FNIP1: variants seen among roughly 807,000 people sequenced by gnomAD.
FNIP1 encodes the protein folliculin-interacting protein 1.
FNIP1 carries 40 observed loss-of-function variants against 124.5 expected under a neutral mutation model. The ratio of observed to expected loss-of-function variants is 0.32; its 90% CI spans 0.25 to 0.42. The LOEUF is 0.42. Ranked by LOEUF, FNIP1 falls within the 10% of genes least tolerant of loss-of-function variation. FNIP1 has a pLI of 1.00. For missense variants in FNIP1, 1,176 were observed against 1,403.7 expected (o/e 0.84, Z 2.59); for synonymous variants, 472 against 470.6 (o/e 1.00, Z -0.04).
intron 5 of FNIP1, 67 bp downstream of exon 5, chr5:131,718,919 G>T: frequency 7.5e-7 from 1 of 1,326,648 alleles, no homozygotes; most frequent in Non-Finnish European, 1.1e-6. Flanking sequence ...CCTAAAAGCA[G>T]TTGGTTAGTT....
At chr5:131,666,192 AT>A in intron 15 of FNIP1, among the ~76,000 whole-genome samples, 1 of 152,080 alleles carries the variant, frequency 6.6e-6, no homozygotes. Flanking sequence ...TGGCCAAATA[AT>A]TTTTTTAGAA....
At chr5:131,645,165 T>C (rs1038097837) in intron 17 of FNIP1, among the ~76,000 whole-genome samples, 12 of 151,744 alleles carry the variant, frequency 7.9e-5, no homozygotes, top group Non-Finnish European at 1.5e-4. Flanking sequence ...ACAAAAAAAT[T>C]TTAAAAACTA....
At chr5:131,785,904 C>G (rs1448299404) in intron 1 of FNIP1, among the ~76,000 whole-genome samples, 1 of 152,020 alleles carries the variant, frequency 6.6e-6, no homozygotes, top group Non-Finnish European at 1.5e-5. Context: ...TACAAATGTG[C>G]AGTTTGTGTT....
chr5:131,699,114 T>C, intron 10 of FNIP1, 112 bp from the exon 11 acceptor site: 1 of 664,322 alleles, frequency 1.5e-6, no homozygotes, highest in South Asian at 2.7e-5. Flanking sequence ...ATCAAAATTC[T>C]TATCGAGAAA....
At position 131,797,003 on chromosome 5, in the gene FNIP1, G is replaced by A. The variant is rs1432154626; in HGVS notation, c.-82C>T. 1 of 1,296,088 alleles carries A rather than the reference G, an allele frequency of 7.7e-7. No individual in the cohort carries two copies. Among genetic ancestry groups the A allele is most frequent in the Admixed American group, 2.3e-5 (1 of 43,228 alleles). The allele number at this position is 1,296,088 out of a possible 1,614,324, so 80.3% of individuals were successfully genotyped here. ...TACAGCCGCCCCGCCACCCCCATGG[G>A]CGCCTCAGTCATATGACAGAAATTA... On this transcript the variant is annotated 5_prime_UTR_variant, in exon 1 of 18. Coordinates refer to ENST00000510461, the MANE Select transcript of FNIP1 (RefSeq NM_133372.3).
intron 3 of FNIP1, among the ~76,000 whole-genome samples, chr5:131,725,964 G>A (rs1769852282): frequency 6.6e-6 from 1 of 152,104 alleles, no homozygotes; most frequent in Non-Finnish European, 1.5e-5. Flanking sequence ...TGTGATTTTT[G>A]TCATTGGTTC....
chr5:131,688,374 G>A (rs994418128), intron 11 of FNIP1, among the ~76,000 whole-genome samples: 7 of 150,804 alleles, frequency 4.6e-5, no homozygotes, highest in Middle Eastern at 7.0e-3. Flanking sequence ...CACATCTAAG[G>A]CTCCTAGCTA....
chr5:131,751,566 A>C (rs1770872702), intron 1 of FNIP1, among the ~76,000 whole-genome samples: 1 of 150,628 alleles, frequency 6.6e-6, no homozygotes, highest in Non-Finnish European at 1.5e-5. Context: ...TGGATTCCAC[A>C]ATCTGAAAAA....
intron 15 of FNIP1, among the ~76,000 whole-genome samples, chr5:131,653,744 T>G (rs902323899): frequency 6.6e-6 from 1 of 152,202 alleles, no homozygotes; most frequent in Non-Finnish European, 1.5e-5. Flanking sequence ...TTTTAAATTT[T>G]TATTTATTTT....
chr5:131,642,867 C>CAAAAAAAAAAAAAAAAAAAAAAAAA lies in FNIP1; in HGVS notation c.*1817_*1818insTTTTTTTTTTTTTTTTTTTTTTTTT, dbSNP rs34177023. On this transcript the variant is annotated 3_prime_UTR_variant, in exon 18 of 18. Coordinates refer to ENST00000510461, the MANE Select transcript of FNIP1 (RefSeq NM_133372.3). ...CTGGGTAACAAGAGTGAAACTCCGT[C>CAAAAAAAAAAAAAAAAAAAAAAAAA]AAAAAAAAAAAAAAAAAAAAAAAGG... The CAAAAAAAAAAAAAAAAAAAAAAAAA allele has an allele frequency of 1.4e-5, 1 of 69,094 alleles. No homozygotes were observed. The highest frequency in any genetic ancestry group is 2.8e-5 in the Non-Finnish European group (1 of 35,740). The allele number at this position is 69,094 out of a possible 1,614,324, so 4.3% of individuals were successfully genotyped here.
chr5:131,650,813 T>C (rs944528631), intron 16 of FNIP1, among the ~76,000 whole-genome samples: 2 of 152,204 alleles, frequency 1.3e-5, no homozygotes, highest in African/African-American at 4.8e-5. Context: ...TATGTTATAG[T>C]TCTCCTAATA....
At chr5:131,681,596 T>C (rs1768082685) in intron 11 of FNIP1, among the ~76,000 whole-genome samples, 1 of 151,760 alleles carries the variant, frequency 6.6e-6, no homozygotes, top group Non-Finnish European at 1.5e-5. Flanking sequence ...AAGAGTATGG[T>C]AGAGAATCTA....
rs116330937 is a variant in FNIP1 at position 131,723,053 on chromosome 5, T to C, written c.355-3636A>G. Among the ~76,000 whole-genome samples the C allele has an allele frequency of 5.1e-3, 783 of 152,296 alleles. 4 individuals carry two copies. The highest frequency in any genetic ancestry group is 0.017 in the African/African-American group (718 of 41,546). The stretch of plus-strand genomic sequence containing the variant: ...GGTTACTAATATACAAAGCAACTAA[T>C]TTATTCTTGAGATTTGGTTAAGATC... On this transcript the variant is annotated intron_variant, in intron 3 of 17. Transcript: ENST00000510461.
At chr5:131,742,561 G>T (rs1373431227) in intron 2 of FNIP1, among the ~76,000 whole-genome samples, 1 of 152,174 alleles carries the variant, frequency 6.6e-6, no homozygotes, top group African/African-American at 2.4e-5. Flanking sequence ...ATTCTCTCTT[G>T]TAAATTGTTT....
At chr5:131,796,501 G>A in intron 1 of FNIP1, 1 of 342,932 alleles carries the variant, frequency 2.9e-6, no homozygotes, top group Non-Finnish European at 5.4e-6. Context: ...AACTCTACTC[G>A]GTGCCAGGAA....
intron 10 of FNIP1, among the ~76,000 whole-genome samples, chr5:131,699,847 C>T (rs1054002870): frequency 1.5e-5 from 2 of 129,252 alleles, no homozygotes; most frequent in African/African-American, 2.8e-5. Context: ...ACCCAGAAGT[C>T]TGAAGTTGCA....
At chr5:131,731,725 G>A (rs1770100815) in intron 2 of FNIP1, among the ~76,000 whole-genome samples, 1 of 151,748 alleles carries the variant, frequency 6.6e-6, no homozygotes, top group Admixed American at 6.6e-5. Context: ...AGAGTCTTTT[G>A]TGTACATGGG....
At chr5:131,703,208 CA>C (rs1442927693) in intron 10 of FNIP1, among the ~76,000 whole-genome samples, 3 of 152,164 alleles carry the variant, frequency 2.0e-5, no homozygotes, top group African/African-American at 7.2e-5. Flanking sequence ...TGGCTGTTTT[CA>C]AAATATATCT....
In FNIP1 at chr5:131,796,852, G is replaced by A. The variant is rs1772626392; in HGVS notation, c.70C>T (p.Arg24Trp). ...TGLGAPGRDA[R>W]DPDCGFSWPL... ...TACCTGAACCCGCAATCTGGGTCCC[G>A]GGCGTCGCGGCCGGGCGCGCCCAGC... The change falls in exon 1 of 18, where the codon CGG becomes TGG. Residue 24 changes from arginine (R) to tryptophan (W), a missense_variant. Arg to Trp is a moderately radical substitution (Grantham distance 101). This residue lies in a region of FNIP1 where 1,109 missense variants were observed against 1,288.5 expected (regional missense o/e 0.86). Transcript: ENST00000510461. The A allele has an allele frequency of 2.5e-6, 4 of 1,602,030 alleles. No individual in the cohort carries two copies. Among genetic ancestry groups the A allele is most frequent in the Middle Eastern group, 1.7e-4 (1 of 5,936 alleles).
Sources: gnomAD v4.1 joint callset for allele counts (sites outside exome capture counted in the v4.1 genomes callset) on GRCh38, gnomAD v4.1.1 for gene constraint, gnomAD v4.1.1 regional missense constraint, MANE v1.5 for transcripts, NCBI Gene and HGNC (gene_info 2026-07-23, HGNC 2026-07-21) for gene names.